ZDHHC21: variants seen among roughly 807,000 people sequenced by gnomAD.
ZDHHC21 encodes the protein zDHHC palmitoyltransferase 21.
Under a neutral mutation model 34.6 loss-of-function variants are expected in ZDHHC21, and 15 were observed. The observed-to-expected ratio is 0.43, with a 90% confidence interval of 0.29 to 0.67. The LOEUF (loss-of-function observed/expected upper bound fraction) is 0.67, where lower values mean the gene tolerates loss of function less well. Ranked by LOEUF, ZDHHC21 falls within the 30% of genes least tolerant of loss-of-function variation. ZDHHC21 has a pLI of 0.14. For missense variants in ZDHHC21, 344 were observed against 327.7 expected (o/e 1.05, Z -0.38); for synonymous variants, 142 against 101.8 (o/e 1.40, Z -2.38).
the ZDHHC21 span, among the ~76,000 whole-genome samples, chr9:14,601,418 G>C: frequency 4.6e-5 from 7 of 151,668 alleles, no homozygotes; most frequent in African/African-American, 1.7e-4. Context: ...CTGGTCATTA[G>C]AGAAATGCAA....
At chr9:14,685,811 T>C (rs186865734) in intron 2 of ZDHHC21, among the ~76,000 whole-genome samples, 2,638 of 152,216 alleles carry the variant, frequency 0.017, 28 homozygotes, top group Non-Finnish European at 0.025. Context: ...ACCCAAATGT[T>C]CATCAATGAT....
chr9:14,663,225 TTC>T (rs969126481), intron 5 of ZDHHC21, among the ~76,000 whole-genome samples: 3 of 152,200 alleles, frequency 2.0e-5, no homozygotes, highest in African/African-American at 7.2e-5. Context: ...AATGGAATTT[TTC>T]TTTTACAAAA....
chr9:14,628,779 T>A (rs1016660900), intron 8 of ZDHHC21, among the ~76,000 whole-genome samples: 1 of 152,216 alleles, frequency 6.6e-6, no homozygotes, highest in Non-Finnish European at 1.5e-5. Context: ...ACTTATTTTA[T>A]AAAGTAAGCA....
At chr9:14,624,832 T>A (rs1008415936) in intron 8 of ZDHHC21, among the ~76,000 whole-genome samples, 2 of 152,074 alleles carry the variant, frequency 1.3e-5, no homozygotes, top group East Asian at 1.9e-4. Context: ...GAAAAACGTT[T>A]GAGGTGATGG....
intron 5 of ZDHHC21, among the ~76,000 whole-genome samples, chr9:14,664,713 G>A (rs1057352542): frequency 6.6e-6 from 1 of 152,118 alleles, no homozygotes; most frequent in East Asian, 1.9e-4. Context: ...CAGCCTAACT[G>A]GGAGGCACCC....
At chr9:14,639,203 T>C (rs1587012242) in intron 8 of ZDHHC21, among the ~76,000 whole-genome samples, 2 of 152,246 alleles carry the variant, frequency 1.3e-5, no homozygotes, top group East Asian at 3.9e-4. Context: ...TTCTGTCATT[T>C]GCAGCAACAT....
At chr9:14,604,103 C>T in the ZDHHC21 span, among the ~76,000 whole-genome samples, 168 of 152,152 alleles carry the variant, frequency 1.1e-3, 3 homozygotes, top group African/African-American at 4.0e-3. Context: ...AGGAAAAACT[C>T]ATTACATAGG....
intron 8 of ZDHHC21, among the ~76,000 whole-genome samples, chr9:14,632,064 AACACACACAC>A (rs760320176): frequency 7.4e-6 from 1 of 135,070 alleles, no homozygotes; most frequent in Non-Finnish European, 1.6e-5. Flanking sequence ...AACACACACA[AACACACACAC>A]ACACACACAC....
chr9:14,691,277 C>A (rs1839110547), intron 1 of ZDHHC21, among the ~76,000 whole-genome samples: 3 of 152,170 alleles, frequency 2.0e-5, no homozygotes, highest in Admixed American at 2.0e-4. Flanking sequence ...CTCCTCTCAA[C>A]CCAAAGAGGT....
At chr9:14,643,892 G>C (rs952432828) in intron 7 of ZDHHC21, among the ~76,000 whole-genome samples, 1 of 152,112 alleles carries the variant, frequency 6.6e-6, no homozygotes, top group Non-Finnish European at 1.5e-5. Flanking sequence ...AAATGTCTTA[G>C]TTATTACGGC....
intron 1 of ZDHHC21, among the ~76,000 whole-genome samples, chr9:14,692,487 T>C (rs1397648849): frequency 6.6e-6 from 1 of 152,146 alleles, no homozygotes; most frequent in Non-Finnish European, 1.5e-5. Context: ...TATATTGCAA[T>C]ATTTTAAAGT....
rs769930294 is a variant in ZDHHC21 at position 14,662,201 on chromosome 9, T to A, written c.365+14A>T. 1.8e-5 allele frequency: 28 copies of A among 1,567,864 alleles called. 1 individual carries two copies. The South Asian group carries it at 3.3e-4, about 19-fold the overall frequency. On this transcript the variant is annotated intron_variant, in intron 6 of 9. Coordinates refer to ENST00000380916, the MANE Select transcript of ZDHHC21 (RefSeq NM_178566.6). ...CCACCCCTCTTTTCTTTGCTAGAAG[T>A]GAATTATTCTTACCATGGACAGTGA... is the stretch of plus-strand genomic sequence containing the variant.
chr9:14,662,030 A>G (rs1217624530), intron 6 of ZDHHC21, among the ~76,000 whole-genome samples, 185 bp downstream of exon 6: 3 of 152,204 alleles, frequency 2.0e-5, no homozygotes, highest in African/African-American at 7.2e-5. Flanking sequence ...TAGAAAAGAT[A>G]GGATTTCTGT....
intron 3 of ZDHHC21, among the ~76,000 whole-genome samples, chr9:14,676,868 C>G (rs1217824180): frequency 1.3e-5 from 2 of 151,908 alleles, no homozygotes; most frequent in African/African-American, 4.8e-5. Context: ...AGTGCTCTCT[C>G]AACGTGTTCA....
chr9:14,612,296 C>CA lies in ZDHHC21; in HGVS notation c.*6669dup, dbSNP rs1290523128. On this transcript the variant is annotated 3_prime_UTR_variant, in exon 10 of 10. Transcript: ENST00000380916. ...AGGTTGATTTTAGCTAACAATAATG[C>CA]AAAATATTTTCAAATGTGAATGTCT... 6.6e-6 allele frequency: 1 copy of CA among 151,860 alleles called. No individual in the cohort carries two copies. The highest frequency in any genetic ancestry group is 2.4e-5 in the African/African-American group (1 of 41,382). 9.4% of individuals were successfully genotyped at this position (151,860 alleles called of 1,614,324 possible).
chr9:14,606,620 T>C (rs1823022206), downstream of ZDHHC21, among the ~76,000 whole-genome samples: 2 of 152,004 alleles, frequency 1.3e-5, no homozygotes, highest in African/African-American at 4.8e-5. Context: ...ACTGTGACCA[T>C]AAAAAAATGG....
intron 5 of ZDHHC21, among the ~76,000 whole-genome samples, chr9:14,669,428 T>C (rs13283672): frequency 0.36 from 51,466 of 142,864 alleles, 9,564 homozygotes; most frequent in Non-Finnish European, 0.41. Context: ...GTTCAACCAT[T>C]GTGGAAGTCA....
At chr9:14,592,919 GAT>G in the ZDHHC21 span, among the ~76,000 whole-genome samples, 1 of 152,080 alleles carries the variant, frequency 6.6e-6, no homozygotes, top group Admixed American at 6.5e-5. Context: ...AACAATCCAT[GAT>G]CAAACAACAG....
intron 8 of ZDHHC21, among the ~76,000 whole-genome samples, chr9:14,624,108 A>G (rs1418813942): frequency 6.6e-6 from 1 of 152,054 alleles, no homozygotes; most frequent in Non-Finnish European, 1.5e-5. Context: ...TTAAAAAAAT[A>G]AATAATAATA....
Sources: allele counts gnomAD v4.1 joint callset (sites outside exome capture counted in the v4.1 genomes callset), GRCh38; gene constraint gnomAD v4.1.1; transcripts MANE v1.5; gene names NCBI Gene and HGNC (gene_info 2026-07-23, HGNC 2026-07-21).